The following EML6 variants were observed in gnomAD, a reference collection of about 807,000 sequenced individuals.
EML6 encodes echinoderm microtubule-associated protein-like 6.
EML6 carries 154 observed loss-of-function variants against 240.1 expected under a neutral mutation model. The observed-to-expected ratio is 0.64, with a 90% CI of 0.56 to 0.73. The LOEUF is 0.73. EML6 is among the 30% of genes least tolerant of loss of function. EML6 has a pLI of 0.00. For synonymous variants in EML6, 1,148 were observed against 899.0 expected (o/e 1.28, Z -4.95); for missense variants, 2,964 against 2,474.6 (o/e 1.20, Z -4.20).
chr2:54,928,408 C>T lies in EML6; in HGVS notation c.3771C>T (p.Gly1257=), dbSNP rs767796144. 3.1e-5 allele frequency: 48 copies of T among 1,550,190 alleles called. No homozygotes were observed. The highest frequency in any genetic ancestry group is 3.3e-4 in the Middle Eastern group (2 of 5,978). The change falls in exon 27 of 42, where the codon GGC becomes GGT. Residue 1257 remains glycine, a synonymous_variant. Coordinates refer to ENST00000356458, the MANE Select transcript of EML6 (RefSeq NM_001039753.4). Reference sequence around the variant, plus strand: ...ATGACTCTGTGCTGCTCACGGTGGGCGGCGCCGACACAGCCCTGATGATCT... The same window carrying T: ...ATGACTCTGTGCTGCTCACGGTGGGTGGCGCCGACACAGCCCTGATGATCT... ...LHNDSVLLTV[G]GADTALMIWT...
chr2:54,916,574 T>C (rs763502961), intron 25 of EML6, among the ~76,000 whole-genome samples, 185 bp from the exon 26 acceptor site: 1 of 152,220 alleles, frequency 6.6e-6, no homozygotes, highest in African/African-American at 2.4e-5. Flanking sequence ...GACTGCAGTG[T>C]TGGCTTCTGA....
At chr2:54,795,397 A>G (rs1669705170) in intron 2 of EML6, among the ~76,000 whole-genome samples, 1 of 152,128 alleles carries the variant, frequency 6.6e-6, no homozygotes. Flanking sequence ...ATCTGCCCCC[A>G]TTATCCAGTT....
chr2:54,855,740 G>T (rs760645226), intron 11 of EML6, among the ~76,000 whole-genome samples: 24 of 152,126 alleles, frequency 1.6e-4, no homozygotes, highest in Non-Finnish European at 2.6e-4. Context: ...TACTTTTCAT[G>T]ACACATGGCT....
Position 54,970,474 on chromosome 2 carries a change from GT to G in EML6, c.*383del. 1 of 218,778 alleles carries G rather than the reference GT, an allele frequency of 4.6e-6. No individual in the cohort carries two copies. The highest frequency in any genetic ancestry group is 9.3e-6 in the Non-Finnish European group (1 of 107,956). 13.6% of individuals were successfully genotyped at this position (218,778 alleles called of 1,614,324 possible). A position where few individuals can be genotyped will look rare whatever the true frequency, so the allele number is the denominator to read the frequency against. ...TTTGCATCAAAACTTTTACAAAGATGTTTTGCTATTGTTTCTATATACTTCA... is the reference window on the plus strand; with the variant it reads ...TTTGCATCAAAACTTTTACAAAGATGTTTGCTATTGTTTCTATATACTTCA... On this transcript the variant is annotated 3_prime_UTR_variant, in exon 42 of 42. Transcript: ENST00000356458.
intron 2 of EML6, among the ~76,000 whole-genome samples, chr2:54,811,845 A>C (rs1667864057): frequency 6.6e-6 from 1 of 152,230 alleles, no homozygotes; most frequent in South Asian, 2.1e-4. Context: ...TCACCAACTG[A>C]ATGCTGAAGT....
chr2:54,951,897 A>C (rs1157128936), intron 30 of EML6, among the ~76,000 whole-genome samples: 1 of 151,706 alleles, frequency 6.6e-6, no homozygotes, highest in East Asian at 1.9e-4. Context: ...AGCAGTACAC[A>C]CCTTCCTTGT....
chr2:54,943,203 C>A (rs961989188), intron 28 of EML6, among the ~76,000 whole-genome samples: 1 of 152,228 alleles, frequency 6.6e-6, no homozygotes, highest in South Asian at 2.1e-4. Context: ...TCTCTCTCCT[C>A]CATTTTGCTT....
chr2:54,872,391 T>G (rs1476875286), intron 16 of EML6, among the ~76,000 whole-genome samples: 2 of 152,206 alleles, frequency 1.3e-5, no homozygotes, highest in African/African-American at 4.8e-5. Context: ...TAACGTGTAA[T>G]ATTATTAAAT....
intron 2 of EML6, among the ~76,000 whole-genome samples, chr2:54,763,953 A>G (rs987191843): frequency 3.3e-5 from 5 of 152,198 alleles, no homozygotes; most frequent in East Asian, 1.9e-4. Flanking sequence ...GTTCTGTGCC[A>G]TCTTGTAGGG....
rs535485204 is a variant in EML6 at position 54,774,095 on chromosome 2, C to T, written c.198-39137C>T. Among the ~76,000 whole-genome samples the T allele has an allele frequency of 2.6e-5, 4 of 152,284 alleles. No individual in the cohort carries two copies. In the East Asian group the frequency reaches 7.7e-4, roughly 29 times the overall value. On this transcript the variant is annotated intron_variant, in intron 2 of 41. Coordinates refer to ENST00000356458, the MANE Select transcript of EML6 (RefSeq NM_001039753.4). This position sits in a 1 kb window ranked among gnomAD's most constrained non-coding sequence, Gnocchi z 4.1. ...GCACACATGACTTCCATTTTCATCC[C>T]AGGGGCCAGAGCATGGTTGAATGGC...
At chr2:54,817,857 A>C (rs899894545) in intron 4 of EML6, among the ~76,000 whole-genome samples, 1 of 149,086 alleles carries the variant, frequency 6.7e-6, no homozygotes, top group Non-Finnish European at 1.5e-5. Context: ...TTGTAGTTGT[A>C]AGGAGACCCC....
At chr2:54,917,052 T>G in intron 26 of EML6, 117 bp downstream of exon 26, 2 of 739,090 alleles carry the variant, frequency 2.7e-6, no homozygotes, top group South Asian at 4.6e-5. Context: ...ATCGGAGTAT[T>G]ATTTATGCTG....
At chr2:54,768,197 G>A (rs1427906392) in intron 2 of EML6, among the ~76,000 whole-genome samples, 1 of 151,710 alleles carries the variant, frequency 6.6e-6, no homozygotes, top group African/African-American at 2.4e-5. Flanking sequence ...ATTGGCCTTT[G>A]AGAACAATGA....
chr2:54,843,843 TCAAA>T (rs1558602560), intron 7 of EML6, among the ~76,000 whole-genome samples, 200 bp from the exon 8 acceptor site: 1 of 29,960 alleles, frequency 3.3e-5, no homozygotes. Context: ...AGACTCCATC[TCAAA>T]AAAAAAAAAA....
At position 54,950,638 on chromosome 2, in the gene EML6, G is replaced by T. The variant is rs1340552442; in HGVS notation, c.4084-12G>T. ...CTCTGAGGGTCACATTGATCTGTGT[G>T]TGTGAATGCAGGAGCTGGCTCTAGA... On this transcript the variant is annotated splice_polypyrimidine_tract_variant and intron_variant, in intron 29 of 41. Transcript: ENST00000356458. 4.5e-6 allele frequency: 7 copies of T among 1,551,402 alleles called. No individual in the cohort carries two copies. The highest frequency in any genetic ancestry group is 1.2e-5 in the South Asian group (1 of 84,058).
intron 7 of EML6, among the ~76,000 whole-genome samples, chr2:54,842,421 T>C (rs1467110046): frequency 6.6e-6 from 1 of 152,216 alleles, no homozygotes; most frequent in African/African-American, 2.4e-5. Context: ...GGCGTTCTAA[T>C]TGGAATGACA....
In EML6 at chr2:54,724,155, C is replaced by G. The variant is rs1306077387; in HGVS notation, c.-514+378C>G. On this transcript the variant is annotated intron_variant, in intron 1 of 41. Transcript: ENST00000356458. The surrounding 1 kb of genome is among the most constrained non-coding windows in gnomAD (Gnocchi z 5.2). ...AGTGCCTCGTTTCTTCCGAGTAAGA[C>G]AATCTTTCATGATGCGGATTGGAGT... Among the ~76,000 whole-genome samples, 1 of 152,104 alleles carries G rather than the reference C, an allele frequency of 6.6e-6. No individual in the cohort carries two copies. The highest frequency in any genetic ancestry group is 2.4e-5 in the African/African-American group (1 of 41,414).
intron 11 of EML6, among the ~76,000 whole-genome samples, chr2:54,855,240 G>A (rs891161352): frequency 5.3e-5 from 8 of 152,122 alleles, no homozygotes; most frequent in Admixed American, 3.9e-4. Context: ...GCGTCTGGGC[G>A]AGGGGTGCTC....
chr2:54,750,512 A>G (rs1009651049), intron 2 of EML6, among the ~76,000 whole-genome samples: 5 of 152,166 alleles, frequency 3.3e-5, no homozygotes, highest in Non-Finnish European at 5.9e-5. Context: ...GCCACTGGAA[A>G]GTTCTAGATT....
Sources: gnomAD v4.1 joint callset for allele counts (sites outside exome capture counted in the v4.1 genomes callset) on GRCh38, gnomAD v4.1.1 for gene constraint, Gnocchi (gnomAD v3.1) non-coding constraint, MANE v1.5 for transcripts, NCBI Gene and HGNC (gene_info 2026-07-23, HGNC 2026-07-21) for gene names.